Variants in FAM169A observed in about 807,000 individuals in gnomAD.
FAM169A encodes the protein family with sequence similarity 169 member A.
FAM169A carries 24 observed loss-of-function variants against 75.7 expected under a neutral mutation model. The ratio of observed to expected loss-of-function variants is 0.32; its 90% confidence interval spans 0.23 to 0.45. The LOEUF is 0.45. FAM169A is among the 20% of genes least tolerant of loss of function. The pLI is 1.00. For synonymous variants in FAM169A, 271 were observed against 271.0 expected (o/e 1.00, Z 0.00); for missense variants, 673 against 784.0 (o/e 0.86, Z 1.69).
intron 5 of FAM169A, among the ~76,000 whole-genome samples, chr5:74,830,669 A>G (rs1023595574): frequency 6.6e-6 from 1 of 152,188 alleles, no homozygotes; most frequent in Non-Finnish European, 1.5e-5. Context: ...ATGACTATAC[A>G]TCACATATCT....
intron 1 of FAM169A, among the ~76,000 whole-genome samples, chr5:74,857,602 A>C (rs1343211451): frequency 1.4e-5 from 2 of 147,168 alleles, no homozygotes; most frequent in African/African-American, 5.1e-5. Flanking sequence ...AAAAAAAAAA[A>C]AACTTCCCTT....
chr5:74,808,712 C>A (rs138689051), intron 6 of FAM169A, among the ~76,000 whole-genome samples: 11 of 151,960 alleles, frequency 7.2e-5, no homozygotes, highest in African/African-American at 2.7e-4. Context: ...AAATATGAAA[C>A]CATAAGTAGG....
chr5:74,813,719 T>C (rs946363949), intron 6 of FAM169A, 121 bp downstream of exon 6: 1 of 618,088 alleles, frequency 1.6e-6, no homozygotes, highest in African/African-American at 1.9e-5. Flanking sequence ...AAGTAAGTTC[T>C]AGAGAGCCTA....
chr5:74,799,189 C>A, intron 10 of FAM169A: 1 of 1,200,262 alleles, frequency 8.3e-7, no homozygotes, highest in South Asian at 1.2e-5. Flanking sequence ...CAAGCATGAC[C>A]ACATCGTCAC....
chr5:74,859,821 C>T (rs2166361), intron 1 of FAM169A, among the ~76,000 whole-genome samples: 54,033 of 151,654 alleles, frequency 0.36, 12,842 homozygotes, highest in African/African-American at 0.68. Context: ...AGATCAAGAC[C>T]AGCCTGGGCA....
intron 3 of FAM169A, among the ~76,000 whole-genome samples, chr5:74,839,558 C>G (rs1748750923): frequency 7.1e-6 from 1 of 140,890 alleles, no homozygotes; most frequent in South Asian, 2.2e-4. Context: ...GAGTTTCACT[C>G]TTATTGTCCA....
At chr5:74,839,123 A>T (rs1227164467) in intron 3 of FAM169A, 73 bp from the exon 4 acceptor site, 3 of 1,005,098 alleles carry the variant, frequency 3.0e-6, no homozygotes, top group African/African-American at 3.2e-5. Context: ...GCCATATTGT[A>T]CTATAAAGTA....
chr5:74,784,109 CAT>C (rs1745548239), intron 11 of FAM169A, among the ~76,000 whole-genome samples: 1 of 152,026 alleles, frequency 6.6e-6, no homozygotes, highest in Non-Finnish European at 1.5e-5. Flanking sequence ...AGTCGAGAGA[CAT>C]ATAATCTAGA....
intron 5 of FAM169A, among the ~76,000 whole-genome samples, chr5:74,833,126 G>A (rs1748402859): frequency 6.6e-6 from 1 of 152,070 alleles, no homozygotes; most frequent in Admixed American, 6.6e-5. Context: ...CAATACAAAA[G>A]TATAAACTAG....
chr5:74,857,045 G>A (rs1320530305), intron 1 of FAM169A, among the ~76,000 whole-genome samples: 2 of 147,148 alleles, frequency 1.4e-5, no homozygotes, highest in African/African-American at 5.0e-5. Flanking sequence ...GGAGCCGGAG[G>A]TTGCAGTGAG....
At chr5:74,821,929 A>G (rs1747785060) in intron 5 of FAM169A, among the ~76,000 whole-genome samples, 1 of 152,202 alleles carries the variant, frequency 6.6e-6, no homozygotes, top group African/African-American at 2.4e-5. Flanking sequence ...GGTGGAAGAA[A>G]CAGCTGGTCT....
chr5:74,788,158 T>C (rs1745791845), intron 11 of FAM169A, among the ~76,000 whole-genome samples: 1 of 152,182 alleles, frequency 6.6e-6, no homozygotes. Flanking sequence ...GTCACTGTGG[T>C]CCTCCAGTTA....
At chr5:74,809,905 A>G (rs1389573429) in intron 6 of FAM169A, among the ~76,000 whole-genome samples, 1 of 152,230 alleles carries the variant, frequency 6.6e-6, no homozygotes, top group African/African-American at 2.4e-5. Context: ...GCGAAATGAC[A>G]TAACTACTTA....
At chr5:74,816,567 C>T (rs1747482106) in intron 5 of FAM169A, among the ~76,000 whole-genome samples, 1 of 152,102 alleles carries the variant, frequency 6.6e-6, no homozygotes, top group Admixed American at 6.5e-5. Flanking sequence ...CTTCCTTCAC[C>T]TACACTTTAC....
At chr5:74,836,242 G>A (rs1748566192) in intron 4 of FAM169A, among the ~76,000 whole-genome samples, 1 of 152,136 alleles carries the variant, frequency 6.6e-6, no homozygotes, top group African/African-American at 2.4e-5. Flanking sequence ...TCAGTTTGGT[G>A]TTCATGGTGT....
At chr5:74,795,694 G>A (rs1489816402) in intron 11 of FAM169A, among the ~76,000 whole-genome samples, 2 of 152,104 alleles carry the variant, frequency 1.3e-5, no homozygotes, top group East Asian at 1.9e-4. Flanking sequence ...GGTTCTATAA[G>A]GTAGATCTTA....
chr5:74,815,828 C>T (rs973535405), intron 5 of FAM169A, among the ~76,000 whole-genome samples: 13 of 152,260 alleles, frequency 8.5e-5, no homozygotes, highest in South Asian at 4.1e-4. Context: ...CCATTAGCAC[C>T]GTGACAGTTT....
intron 11 of FAM169A, among the ~76,000 whole-genome samples, chr5:74,786,090 T>C (rs1267517914): frequency 6.6e-6 from 1 of 152,130 alleles, no homozygotes; most frequent in Non-Finnish European, 1.5e-5. Context: ...TAGACCAGCT[T>C]AGCCTCCCAG....
chr5:74,839,418 T>G (rs962192822), intron 3 of FAM169A, among the ~76,000 whole-genome samples: 4 of 151,986 alleles, frequency 2.6e-5, no homozygotes, highest in African/African-American at 9.7e-5. Flanking sequence ...GCACACACTC[T>G]CTCTTGCCTG....
Sources: gnomAD v4.1 joint callset for allele counts (sites outside exome capture counted in the v4.1 genomes callset) on GRCh38, gnomAD v4.1.1 for gene constraint, MANE v1.5 for transcripts, NCBI Gene and HGNC (gene_info 2026-07-23, HGNC 2026-07-21) for gene names.